Variants in SPECC1 observed in about 807,000 individuals in gnomAD.
SPECC1 encodes sperm antigen with calponin homology and coiled-coil domains 1.
Under a neutral mutation model 104.1 loss-of-function variants are expected in SPECC1, and 62 were observed. That is an observed-to-expected ratio of 0.60 (90% CI 0.49 to 0.74). SPECC1 has a LOEUF of 0.74. Among genes scored for constraint, SPECC1 ranks in the 30% least tolerant of loss-of-function variants. SPECC1 has a pLI of 0.00. For synonymous variants in SPECC1, 513 were observed against 501.6 expected (o/e 1.02, Z -0.30); for missense variants, 1,306 against 1,310.5 (o/e 1.00, Z 0.05).
At position 20,231,959 on chromosome 17, in the gene SPECC1, A is replaced by G; in HGVS notation, c.2145+128A>G. The G allele has an allele frequency of 3.8e-6, 4 of 1,041,438 alleles. No individual in the cohort carries two copies. The South Asian group carries it at 5.9e-5, about 15-fold the overall frequency. 64.5% of individuals were successfully genotyped at this position (1,041,438 alleles called of 1,614,324 possible). ...GGCATGGTGGGCCCTGGAACTGTAA[A>G]TTCTTGTTGGCAGGAAGTAAAATCA... On this transcript the variant is annotated intron_variant, in intron 6 of 14. Coordinates refer to ENST00000395527, the MANE Select transcript of SPECC1 (RefSeq NM_001243439.2).
intron 7 of SPECC1, among the ~76,000 whole-genome samples, chr17:20,232,812 G>A (rs922108040): frequency 2.0e-5 from 3 of 152,188 alleles, no homozygotes; most frequent in South Asian, 2.1e-4. Flanking sequence ...GGGAGGAGCC[G>A]CCGGAGAAGG....
chr17:20,133,903 C>T (rs749885025), intron 3 of SPECC1, among the ~76,000 whole-genome samples: 9 of 152,092 alleles, frequency 5.9e-5, no homozygotes, highest in African/African-American at 1.2e-4. Context: ...AGCGTTCAGA[C>T]GCACTCTTTT....
In SPECC1 at chr17:20,205,000, C is replaced by T. The variant is rs148015143; in HGVS notation, c.951C>T (p.Ser317=). The change falls in exon 4 of 15, where the codon AGC becomes AGT. Residue 317 remains serine (S), a synonymous_variant. Coordinates refer to ENST00000395527, the MANE Select transcript of SPECC1 (RefSeq NM_001243439.2). The part of the protein sequence containing the change: ...NALRTSGSSS[S]DVTKASLSPD... The stretch of plus-strand genomic sequence containing the variant: ...TACGGACATCAGGCTCCTCAAGTAG[C>T]GATGTTACCAAAGCTTCTTTGTCGC... 340 of 1,613,974 alleles carry T rather than the reference C, an allele frequency of 2.1e-4. 1 individual carries two copies. The highest frequency in any genetic ancestry group is 4.0e-4 in the South Asian group (36 of 91,070).
rs760556432 is a variant in SPECC1, at chr17:20,253,512, C to T, written c.2606C>T (p.Ser869Leu). 23 of 1,613,814 alleles carry T rather than the reference C, an allele frequency of 1.4e-5. No homozygotes were observed. The highest frequency in any genetic ancestry group is 5.5e-5 in the South Asian group (5 of 91,064). ...TCCCCCTGGTTTTTACAGAGGCATT[C>T]GACTTACAGCAGTGTGCGGCCAGCC... ...AAAVSPMQRH[S>L]TYSSVRPASR... The change falls in exon 10 of 15, where the codon TCG (serine) becomes TTG (leucine). Residue 869 changes from serine (S) to leucine (L), a missense_variant. Physicochemically the swap from Ser to Leu is moderately radical, Grantham distance 145. Transcript: ENST00000395527.
At chr17:20,176,552 G>A (rs1461311884) in intron 3 of SPECC1, among the ~76,000 whole-genome samples, 1 of 152,132 alleles carries the variant, frequency 6.6e-6, no homozygotes, top group Non-Finnish European at 1.5e-5. Context: ...TTATTTCCTG[G>A]CAGTTCTAGA....
chr17:20,218,621 C>G (rs534319273), intron 4 of SPECC1, among the ~76,000 whole-genome samples: 5 of 152,116 alleles, frequency 3.3e-5, no homozygotes, highest in African/African-American at 4.8e-5. Flanking sequence ...TTCCTCCCCC[C>G]TCCCTTATTC....
intron 13 of SPECC1, among the ~76,000 whole-genome samples, chr17:20,302,850 A>G (rs926226996): frequency 4.4e-5 from 6 of 134,916 alleles, no homozygotes; most frequent in Non-Finnish European, 9.3e-5. Context: ...TGAGCCCAGG[A>G]TTTTGAGGCT....
chr17:20,296,157 T>A (rs2041343627), intron 12 of SPECC1, among the ~76,000 whole-genome samples: 1 of 152,262 alleles, frequency 6.6e-6, no homozygotes, highest in Non-Finnish European at 1.5e-5. Context: ...GTTTTAGGTC[T>A]AACATTTAAG....
In SPECC1 at chr17:20,318,384, T is replaced by G. The variant is rs2042065710; in HGVS notation, c.*4319T>G. On this transcript the variant is annotated 3_prime_UTR_variant, in exon 15 of 15. Transcript: ENST00000395527. ...TTAGTCTTTTATTTTCCTTTTTCATTCAGTTTTTGTTTTACAGCTTTTGTA... is the reference window on the plus strand; with the variant it reads ...TTAGTCTTTTATTTTCCTTTTTCATGCAGTTTTTGTTTTACAGCTTTTGTA... 1 of 231,612 alleles carries G rather than the reference T, an allele frequency of 4.3e-6. No homozygotes were observed. The highest frequency in any genetic ancestry group is 8.5e-6 in the Non-Finnish European group (1 of 117,010). 14.3% of individuals were successfully genotyped at this position (231,612 alleles called of 1,614,324 possible).
chr17:20,313,926 G>T (rs2041995898), intron 14 of SPECC1, 50 bp from the exon 15 acceptor site: 5 of 1,555,686 alleles, frequency 3.2e-6, no homozygotes, highest in Non-Finnish European at 3.5e-6. Flanking sequence ...AGGGGAAGGG[G>T]TCTGTGATGT....
chr17:20,186,425 G>A (rs1029552802), intron 3 of SPECC1, among the ~76,000 whole-genome samples: 1 of 152,214 alleles, frequency 6.6e-6, no homozygotes, highest in African/African-American at 2.4e-5. Flanking sequence ...CTTGCTCGAT[G>A]CAGGGTTGCC....
chr17:20,236,710 C>A, intron 7 of SPECC1: 57 of 481,706 alleles, frequency 1.2e-4, no homozygotes, highest in East Asian at 2.9e-4. Context: ...AAAATTGGAA[C>A]AGTAGGACTT....
chr17:20,136,231 C>T (rs1259961304), intron 3 of SPECC1, among the ~76,000 whole-genome samples: 1 of 152,104 alleles, frequency 6.6e-6, no homozygotes, highest in Non-Finnish European at 1.5e-5. Context: ...CAAGACCATC[C>T]TGACCAACAT....
intron 3 of SPECC1, among the ~76,000 whole-genome samples, chr17:20,202,033 AC>A (rs1414708136): frequency 6.6e-6 from 1 of 152,256 alleles, no homozygotes; most frequent in Non-Finnish European, 1.5e-5. Context: ...CATAAAATAT[AC>A]ACAAATCTAT....
At chr17:20,097,748 G>A (rs898675015) in intron 2 of SPECC1, among the ~76,000 whole-genome samples, 1 of 152,196 alleles carries the variant, frequency 6.6e-6, no homozygotes, top group African/African-American at 2.4e-5. Context: ...TTGTTTTTAT[G>A]AGTCAAATGG....
intron 14 of SPECC1, among the ~76,000 whole-genome samples, chr17:20,311,658 G>C (rs1311276167): frequency 1.3e-5 from 2 of 152,166 alleles, no homozygotes; most frequent in African/African-American, 4.8e-5. Flanking sequence ...CTCCCAAAGT[G>C]CTGGGATTAC....
At chr17:20,133,058 T>C (rs1232892886) in intron 3 of SPECC1, among the ~76,000 whole-genome samples, 1 of 152,188 alleles carries the variant, frequency 6.6e-6, no homozygotes, top group Non-Finnish European at 1.5e-5. Context: ...GTTATTCATA[T>C]TATATTCCCC....
At chr17:20,063,609 G>A (rs2046263437) in intron 1 of SPECC1, among the ~76,000 whole-genome samples, 1 of 152,168 alleles carries the variant, frequency 6.6e-6, no homozygotes, top group South Asian at 2.1e-4. Flanking sequence ...AGGAAGGTGG[G>A]AACAAAGGTT....
chr17:20,237,381 C>A, intron 7 of SPECC1: 3 of 687,242 alleles, frequency 4.4e-6, no homozygotes, highest in Middle Eastern at 6.2e-4. Flanking sequence ...ATGGTACGAT[C>A]TCGGCTCACT....
Sources: allele counts gnomAD v4.1 joint callset (sites outside exome capture counted in the v4.1 genomes callset), GRCh38; gene constraint gnomAD v4.1.1; transcripts MANE v1.5; gene names NCBI Gene and HGNC (gene_info 2026-07-23, HGNC 2026-07-21).